CIT: variants seen among roughly 807,000 people sequenced by gnomAD.
CIT encodes citron Rho-interacting kinase.
In CIT, 79 loss-of-function variants were observed where a neutral mutation model predicts 272.7. The observed-to-expected ratio is 0.29, with a 90% CI of 0.24 to 0.35. CIT has a LOEUF of 0.35. Among genes scored for constraint, CIT ranks in the 10% least tolerant of loss-of-function variants. CIT has a pLI of 1.00. For missense variants in CIT, 1,909 were observed against 2,618.3 expected (o/e 0.73, Z 5.91); for synonymous variants, 948 against 995.6 (o/e 0.95, Z 0.90).
intron 1 of CIT, among the ~76,000 whole-genome samples, chr12:119,876,817 G>A (rs577239368): frequency 1.1e-4 from 16 of 152,300 alleles, no homozygotes; most frequent in African/African-American, 3.6e-4. Context: ...ACGGACTGGA[G>A]CAGAGCGAAA....
chr12:119,739,752 G>A (rs905621823), intron 24 of CIT, among the ~76,000 whole-genome samples: 14 of 152,108 alleles, frequency 9.2e-5, no homozygotes, highest in African/African-American at 2.4e-4. Context: ...TTTAATTCTC[G>A]CAGCAACCTT....
At chr12:119,828,412 T>C (rs1968336070) in intron 7 of CIT, among the ~76,000 whole-genome samples, 1 of 152,078 alleles carries the variant, frequency 6.6e-6, no homozygotes, top group Non-Finnish European at 1.5e-5. Flanking sequence ...TAATCTCACA[T>C]GTCCTGATTA....
At position 119,718,269 on chromosome 12, in the gene CIT, T is replaced by C. The variant is rs751104603; in HGVS notation, c.4144A>G (p.Arg1382Gly). ...MSLLAPPSSR[R>G]KESSTPEEFS... ...CCCTCTGGAGTTGAAGACTCCTTTCTGCGGCTGGATGGCGGGGCCAGCAGG... is the reference window on the plus strand; with the variant it reads ...CCCTCTGGAGTTGAAGACTCCTTTCCGCGGCTGGATGGCGGGGCCAGCAGG... Residue 1382 changes from arginine (R) to glycine (G), a missense_variant, in exon 32 of 48, where the codon AGA becomes GGA. By Grantham distance (125) the Arg-to-Gly change is moderately radical. Coordinates refer to ENST00000392521, the MANE Select transcript of CIT (RefSeq NM_001206999.2). This position sits in a 1 kb window ranked among gnomAD's most constrained non-coding sequence, Gnocchi z 4.8. The C allele has an allele frequency of 1.2e-6, 2 of 1,613,548 alleles. No homozygotes were observed. Among genetic ancestry groups the C allele is most frequent in the South Asian group, 1.1e-5 (1 of 91,034 alleles).
chr12:119,851,353 G>A (rs966422196), intron 4 of CIT, among the ~76,000 whole-genome samples: 3 of 152,274 alleles, frequency 2.0e-5, no homozygotes, highest in African/African-American at 7.2e-5. Flanking sequence ...CACTGAAAGG[G>A]GTCTGGGAGT....
intron 10 of CIT, among the ~76,000 whole-genome samples, chr12:119,794,820 A>G (rs557588129): frequency 4.3e-4 from 66 of 152,362 alleles, no homozygotes; most frequent in African/African-American, 1.5e-3. Context: ...ACATTAACAA[A>G]TATGAAATGA....
intron 26 of CIT, among the ~76,000 whole-genome samples, chr12:119,731,574 G>GA (rs747552196): frequency 9.4e-5 from 14 of 149,614 alleles, no homozygotes; most frequent in South Asian, 2.1e-4. Flanking sequence ...AGCAAAATAG[G>GA]AAAAAAAAAT....
intron 9 of CIT, among the ~76,000 whole-genome samples, chr12:119,820,232 T>C (rs1485123601): frequency 6.6e-6 from 1 of 152,200 alleles, no homozygotes; most frequent in East Asian, 1.9e-4. Context: ...TTCAAACACT[T>C]AGACAGTGAC....
intron 29 of CIT, among the ~76,000 whole-genome samples, chr12:119,721,009 C>A (rs1039540528): frequency 6.6e-6 from 1 of 152,128 alleles, no homozygotes; most frequent in Non-Finnish European, 1.5e-5. Flanking sequence ...CTCTGTTGCC[C>A]GGGCTGGAGT....
At chr12:119,820,420 G>A (rs886273583) in intron 9 of CIT, among the ~76,000 whole-genome samples, 5 of 152,044 alleles carry the variant, frequency 3.3e-5, no homozygotes, top group Admixed American at 1.3e-4. Context: ...GCATGGTGGC[G>A]CACACCTGTG....
chr12:119,804,302 G>C lies in CIT; in HGVS notation c.1112-913C>G. On this transcript the variant is annotated intron_variant, in intron 9 of 47. Transcript: ENST00000392521. This position sits in a 1 kb window ranked among gnomAD's most constrained non-coding sequence, Gnocchi z 5.3. ...TGCCCATCGCGGTGGGCTCCCGGGGGTGTCCCCCGCCAGAAACGTTACCAT... is the reference window on the plus strand; with the variant it reads ...TGCCCATCGCGGTGGGCTCCCGGGGCTGTCCCCCGCCAGAAACGTTACCAT... 15 of 985,532 alleles carry C rather than the reference G, an allele frequency of 1.5e-5. No homozygotes were observed. The highest frequency in any genetic ancestry group is 1.8e-5 in the Non-Finnish European group (15 of 830,010). The allele number at this position is 985,532 out of a possible 1,614,324, so 61.0% of individuals were successfully genotyped here.
At chr12:119,815,834 C>T (rs554587353) in intron 9 of CIT, among the ~76,000 whole-genome samples, 4 of 152,048 alleles carry the variant, frequency 2.6e-5, no homozygotes, top group South Asian at 2.1e-4. Context: ...AATAGTGGTT[C>T]GCTTGAGGGA....
chr12:119,809,397 G>A (rs1185684671), intron 9 of CIT, among the ~76,000 whole-genome samples: 1 of 152,180 alleles, frequency 6.6e-6, no homozygotes, highest in Admixed American at 6.5e-5. Flanking sequence ...CAGAAACAGA[G>A]AGGATGGGAT....
At chr12:119,848,513 C>T (rs1367596773) in intron 5 of CIT, among the ~76,000 whole-genome samples, 1 of 152,142 alleles carries the variant, frequency 6.6e-6, no homozygotes, top group Non-Finnish European at 1.5e-5. Context: ...AGAACCTAAA[C>T]AAGGCCCCAA....
At chr12:119,788,384 G>A (rs1964997207) in intron 10 of CIT, among the ~76,000 whole-genome samples, 1 of 152,170 alleles carries the variant, frequency 6.6e-6, no homozygotes, top group African/African-American at 2.4e-5. Flanking sequence ...CGGAGAGAGT[G>A]GTGATCCACA....
At chr12:119,701,991 G>A (rs769238852) in intron 41 of CIT, 33 bp from the exon 42 acceptor site, 7 of 1,549,752 alleles carry the variant, frequency 4.5e-6, no homozygotes, top group African/African-American at 1.4e-5. Flanking sequence ...AAGGATGTGA[G>A]AGGTAACACA....
chr12:119,701,827 G>C, intron 42 of CIT, 23 bp downstream of exon 42: 2 of 1,614,004 alleles, frequency 1.2e-6, no homozygotes, highest in Non-Finnish European at 1.7e-6. Context: ...ATGGGTGGGT[G>C]CGAAAGTGGA....
At position 119,817,902 on chromosome 12, in the gene CIT, T is replaced by C. The variant is rs1346578237; in HGVS notation, c.1111+4918A>G. ...CCAGCCTGGGCAAAGATGGCAAGAC[T>C]CCATCACTTAAAAAAAAAAAAAAAT... On this transcript the variant is annotated intron_variant, in intron 9 of 47. Coordinates refer to ENST00000392521, the MANE Select transcript of CIT (RefSeq NM_001206999.2). Among the ~76,000 whole-genome samples the C allele has an allele frequency of 4.0e-5, 6 of 149,384 alleles. No individual in the cohort carries two copies. The East Asian group carries it at 5.9e-4, about 15-fold the overall frequency.
chr12:119,770,001 CT>C lies in CIT; in HGVS notation c.2208+783del, dbSNP rs11295549. On this transcript the variant is annotated intron_variant, in intron 18 of 47. Transcript: ENST00000392521. This position sits in a 1 kb window ranked among gnomAD's most constrained non-coding sequence, Gnocchi z 4.4. ...AATGACCAATGACTTCAGAGACTCT[CT>C]CCCAGGTGGGATAGGAATGGACTCC... Among the ~76,000 whole-genome samples, 10,550 of 152,192 alleles carry C rather than the reference CT, an allele frequency of 0.069. 871 individuals are homozygous for C. Among genetic ancestry groups the C allele is most frequent in the African/African-American group, 0.19 (8,086 of 41,480 alleles).
intron 23 of CIT, among the ~76,000 whole-genome samples, chr12:119,746,281 G>C (rs911820422): frequency 5.3e-5 from 8 of 152,174 alleles, no homozygotes; most frequent in African/African-American, 1.9e-4. Context: ...GTCTTGGTTA[G>C]AACTACTTAA....
Sources: gnomAD v4.1 joint callset for allele counts (sites outside exome capture counted in the v4.1 genomes callset) on GRCh38, gnomAD v4.1.1 for gene constraint, Gnocchi (gnomAD v3.1) non-coding constraint, MANE v1.5 for transcripts, NCBI Gene and HGNC (gene_info 2026-07-23, HGNC 2026-07-21) for gene names.